Variants in ASZ1 observed in about 807,000 individuals in gnomAD.
The protein encoded by ASZ1 is ankyrin repeat, SAM and basic leucine zipper domain containing 1.
A neutral mutation model predicts 61.8 loss-of-function variants in ASZ1; 67 were observed. The observed-to-expected ratio is 1.08, with a 90% CI of 0.89 to 1.33. The LOEUF is 1.33. ASZ1 is among the 40% of genes most tolerant of loss of function. ASZ1 has a pLI of 0.00. For synonymous variants in ASZ1, 193 were observed against 192.7 expected (o/e 1.00, Z -0.01); for missense variants, 577 against 554.5 (o/e 1.04, Z -0.41).
intron 4 of ASZ1, among the ~76,000 whole-genome samples, chr7:117,396,294 A>G (rs1796574180): frequency 6.6e-6 from 1 of 152,216 alleles, no homozygotes; most frequent in African/African-American, 2.4e-5. Context: ...GCATAACTGA[A>G]TTGCCTTACA....
intron 4 of ASZ1, among the ~76,000 whole-genome samples, chr7:117,409,333 A>T (rs1796850701): frequency 1.3e-5 from 2 of 151,994 alleles, no homozygotes; most frequent in Admixed American, 6.6e-5. Flanking sequence ...AATTTATTTT[A>T]AAAAATTATT....
At chr7:117,409,476 A>G (rs1796853072) in intron 4 of ASZ1, among the ~76,000 whole-genome samples, 1 of 151,926 alleles carries the variant, frequency 6.6e-6, no homozygotes, top group South Asian at 2.1e-4. Flanking sequence ...TTTAAATAAA[A>G]TATTTTAGCC....
At chr7:117,378,609 A>C (rs531153324) in intron 10 of ASZ1, among the ~76,000 whole-genome samples, 1 of 152,206 alleles carries the variant, frequency 6.6e-6, no homozygotes, top group Non-Finnish European at 1.5e-5. Flanking sequence ...ATTCTGGAAA[A>C]CAGTTGGGCA....
intron 10 of ASZ1, among the ~76,000 whole-genome samples, chr7:117,376,579 A>G (rs1796140972): frequency 6.6e-6 from 1 of 152,154 alleles, no homozygotes; most frequent in Non-Finnish European, 1.5e-5. Flanking sequence ...ATAATGCATA[A>G]AAAGAATAAT....
At position 117,427,492 on chromosome 7, in the gene ASZ1, G is replaced by T; in HGVS notation, c.-32C>A. The T allele has an allele frequency of 2.5e-6, 4 of 1,606,730 alleles. No individual in the cohort carries two copies. The highest frequency in any genetic ancestry group is 3.4e-6 in the Non-Finnish European group (4 of 1,174,154). On this transcript the variant is annotated 5_prime_UTR_variant, in exon 1 of 13. Transcript: ENST00000284629. ...CAAGGAAGCTCCCTGTCGGCACCGC[G>T]CGCCCTTCAGCTCTCCGGGCGCATG...
intron 11 of ASZ1, chr7:117,367,942 T>G: frequency 1.1e-6 from 1 of 889,416 alleles, no homozygotes; most frequent in South Asian, 5.2e-5. Flanking sequence ...AGTGCAGTGG[T>G]GCAATCATGG....
intron 4 of ASZ1, among the ~76,000 whole-genome samples, chr7:117,394,882 T>C (rs989835777): frequency 6.6e-6 from 1 of 152,250 alleles, no homozygotes; most frequent in African/African-American, 2.4e-5. Flanking sequence ...TCACTGTGCT[T>C]GTTTTTTCAT....
At chr7:117,402,566 A>G (rs897443598) in intron 4 of ASZ1, among the ~76,000 whole-genome samples, 1 of 151,886 alleles carries the variant, frequency 6.6e-6, no homozygotes, top group Non-Finnish European at 1.5e-5. Context: ...TCCAGAATTT[A>G]TATTTGTTTC....
intron 12 of ASZ1, among the ~76,000 whole-genome samples, chr7:117,365,007 T>TA (rs756752539): frequency 1.1e-4 from 17 of 151,542 alleles, no homozygotes; most frequent in Admixed American, 3.9e-4. Context: ...TTATGTTTCT[T>TA]AAAAAAAAAT....
chr7:117,422,395 A>G, intron 2 of ASZ1, 36 bp from the exon 3 acceptor site: 5 of 1,601,662 alleles, frequency 3.1e-6, no homozygotes, highest in Non-Finnish European at 4.3e-6. Context: ...AAAGCACACT[A>G]CCACCAAAGA....
chr7:117,403,395 G>C (rs76499673), intron 4 of ASZ1, among the ~76,000 whole-genome samples: 3,189 of 152,086 alleles, frequency 0.021, 112 homozygotes, highest in African/African-American at 0.073. Context: ...ATGCCCCCAA[G>C]CCCCACTCAC....
intron 3 of ASZ1, among the ~76,000 whole-genome samples, chr7:117,421,583 CTG>C (rs1367155147): frequency 6.6e-6 from 1 of 151,762 alleles, no homozygotes; most frequent in Non-Finnish European, 1.5e-5. Flanking sequence ...AAACATGAAA[CTG>C]TTGCTAAGAC....
chr7:117,403,835 G>A (rs1381020808), intron 4 of ASZ1, among the ~76,000 whole-genome samples: 2 of 152,180 alleles, frequency 1.3e-5, no homozygotes. Flanking sequence ...TGAGTGGCAG[G>A]TGAGCGAGCA....
At chr7:117,391,996 T>A (rs1197115166) in intron 4 of ASZ1, among the ~76,000 whole-genome samples, 1 of 152,162 alleles carries the variant, frequency 6.6e-6, no homozygotes, top group Non-Finnish European at 1.5e-5. Flanking sequence ...TTCACCATGT[T>A]GGTCAGGCTG....
chr7:117,381,185 G>C (rs1796243263), intron 8 of ASZ1, 118 bp from the exon 9 acceptor site: 1 of 783,784 alleles, frequency 1.3e-6, no homozygotes, highest in African/African-American at 1.7e-5. Context: ...CAATTTTCTA[G>C]AGGGGACAGG....
chr7:117,420,851 AT>A (rs956208938), intron 3 of ASZ1, among the ~76,000 whole-genome samples: 9 of 152,188 alleles, frequency 5.9e-5, no homozygotes, highest in African/African-American at 1.9e-4. Flanking sequence ...AAAAACACCT[AT>A]TTTGAATTAA....
At chr7:117,364,381 G>T (rs1562842763) in intron 12 of ASZ1, among the ~76,000 whole-genome samples, 1 of 151,310 alleles carries the variant, frequency 6.6e-6, no homozygotes, top group East Asian at 1.9e-4. Context: ...CACTCTGTGT[G>T]TATCTGTGTG....
intron 2 of ASZ1, 45 bp downstream of exon 2, chr7:117,426,791 A>G: frequency 6.7e-7 from 1 of 1,495,236 alleles, no homozygotes; most frequent in South Asian, 1.2e-5. Flanking sequence ...ATCCTTGCGA[A>G]CTTAAGACAG....
At chr7:117,372,795 T>C (rs1334896483) in intron 10 of ASZ1, among the ~76,000 whole-genome samples, 2 of 152,168 alleles carry the variant, frequency 1.3e-5, no homozygotes, top group Non-Finnish European at 2.9e-5. Flanking sequence ...CTTCCAGTGT[T>C]TTTCCTATGG....
Sources: gnomAD v4.1 joint callset for allele counts (sites outside exome capture counted in the v4.1 genomes callset) on GRCh38, gnomAD v4.1.1 for gene constraint, MANE v1.5 for transcripts, NCBI Gene and HGNC (gene_info 2026-07-23, HGNC 2026-07-21) for gene names.